Variants in AJAP1 observed in about 807,000 individuals in gnomAD.
The protein encoded by AJAP1 is adherens junction-associated protein 1.
AJAP1 carries 5 observed loss-of-function variants against 35.0 expected under a neutral mutation model. That is an observed-to-expected ratio of 0.14 (90% confidence interval 0.07 to 0.30). AJAP1 has a LOEUF of 0.30. AJAP1 is among the 10% of genes least tolerant of loss of function. AJAP1 has a pLI of 1.00. For missense variants in AJAP1, 586 were observed against 571.0 expected (o/e 1.03, Z -0.27); for synonymous variants, 284 against 249.3 (o/e 1.14, Z -1.31).
At chr1:4,755,837 A>T (rs560701456) in intron 2 of AJAP1, among the ~76,000 whole-genome samples, 6 of 152,048 alleles carry the variant, frequency 3.9e-5, no homozygotes, top group Admixed American at 2.6e-4. Context: ...ATTAAAAACG[A>T]CTAGGAGGAA....
At chr1:4,775,331 T>G (rs1473357006) in intron 5 of AJAP1, among the ~76,000 whole-genome samples, 1 of 152,196 alleles carries the variant, frequency 6.6e-6, no homozygotes, top group Non-Finnish European at 1.5e-5. Flanking sequence ...GAGGTTTTCG[T>G]GTTGTTTTCA....
At chr1:4,704,744 G>A (rs1278459965) in intron 1 of AJAP1, among the ~76,000 whole-genome samples, 3 of 152,126 alleles carry the variant, frequency 2.0e-5, no homozygotes, top group African/African-American at 4.8e-5. Flanking sequence ...TGACTTCCAC[G>A]ATGGTTAAAC....
At chr1:4,687,051 A>G (rs1305904965) in intron 1 of AJAP1, among the ~76,000 whole-genome samples, 1 of 152,210 alleles carries the variant, frequency 6.6e-6, no homozygotes, top group Non-Finnish European at 1.5e-5. Context: ...TGTCCTCACC[A>G]CGGATGGGGA....
At chr1:4,778,571 ATCTCTCTCTC>A (rs141390632) in intron 5 of AJAP1, among the ~76,000 whole-genome samples, 3,381 of 142,728 alleles carry the variant, frequency 0.024, 84 homozygotes, top group African/African-American at 0.061. Context: ...GATTGGCGCC[ATCTCTCTCTC>A]TCTCTCTCTC....
chr1:4,690,622 C>T (rs1373881858), intron 1 of AJAP1, among the ~76,000 whole-genome samples: 1 of 152,206 alleles, frequency 6.6e-6, no homozygotes, highest in African/African-American at 2.4e-5. Flanking sequence ...GTCCTGGATC[C>T]AGACAGACCT....
At chr1:4,700,490 A>G (rs1038624921) in intron 1 of AJAP1, among the ~76,000 whole-genome samples, 2 of 152,140 alleles carry the variant, frequency 1.3e-5, no homozygotes, top group Non-Finnish European at 2.9e-5. Context: ...GCTTTGCACA[A>G]TAGACCTTGC....
chr1:4,771,972 G>T (rs1429322141), intron 3 of AJAP1, among the ~76,000 whole-genome samples: 1 of 152,092 alleles, frequency 6.6e-6, no homozygotes, highest in East Asian at 1.9e-4. Flanking sequence ...TCAGCACCAT[G>T]GTCTGACTGA....
intron 2 of AJAP1, among the ~76,000 whole-genome samples, chr1:4,751,530 A>G (rs1432514051): frequency 6.6e-6 from 1 of 152,216 alleles, no homozygotes; most frequent in Non-Finnish European, 1.5e-5. Flanking sequence ...AGTATTTATG[A>G]TGTGGCTGCT....
At chr1:4,659,995 C>A (rs1638966563) in intron 1 of AJAP1, among the ~76,000 whole-genome samples, 1 of 152,226 alleles carries the variant, frequency 6.6e-6, no homozygotes, top group Non-Finnish European at 1.5e-5. Context: ...GGTATAAATA[C>A]AACTGCAAAG....
At chr1:4,724,465 G>T (rs1484081344) in intron 2 of AJAP1, among the ~76,000 whole-genome samples, 4 of 152,144 alleles carry the variant, frequency 2.6e-5, no homozygotes, top group African/African-American at 9.7e-5. Flanking sequence ...CCCCTGGGTG[G>T]TTTGTCTCCA....
chr1:4,697,551 G>A (rs1639892671), intron 1 of AJAP1, among the ~76,000 whole-genome samples: 1 of 152,218 alleles, frequency 6.6e-6, no homozygotes, highest in Non-Finnish European at 1.5e-5. Context: ...GACCATGGCT[G>A]GACTTGCTCC....
chr1:4,691,604 G>A (rs987244670), intron 1 of AJAP1, among the ~76,000 whole-genome samples: 2 of 152,168 alleles, frequency 1.3e-5, no homozygotes, highest in African/African-American at 4.8e-5. Flanking sequence ...AGCTAACTCC[G>A]GGCTCGGGGA....
intron 1 of AJAP1, among the ~76,000 whole-genome samples, chr1:4,696,680 T>C (rs188218025): frequency 5.9e-4 from 90 of 152,364 alleles, no homozygotes; most frequent in Non-Finnish European, 1.2e-3. Context: ...TTGTTGTGTG[T>C]GCATGTGCAT....
At chr1:4,742,750 A>G (rs1028911191) in intron 2 of AJAP1, among the ~76,000 whole-genome samples, 7 of 152,196 alleles carry the variant, frequency 4.6e-5, no homozygotes, top group African/African-American at 1.7e-4. Flanking sequence ...TTCATGAAAC[A>G]CAACCGTTCC....
chr1:4,770,840 C>T (rs9426483), intron 3 of AJAP1, among the ~76,000 whole-genome samples: 35,102 of 152,022 alleles, frequency 0.23, 4,510 homozygotes, highest in Middle Eastern at 0.36. Flanking sequence ...CACAGCCCCA[C>T]AACAGACCTC....
chr1:4,712,675 C>T lies in AJAP1; in HGVS notation c.805C>T (p.Pro269Ser). 6.6e-7 allele frequency: 1 copy of T among 1,515,792 alleles called. No individual in the cohort carries two copies. Among genetic ancestry groups the T allele is most frequent in the Non-Finnish European group, 8.9e-7 (1 of 1,128,400 alleles). 93.9% of individuals were successfully genotyped at this position (1,515,792 alleles called of 1,614,324 possible). The change falls in exon 2 of 6, where the codon CCA (proline) becomes TCA (serine). Residue 269 changes from proline (P) to serine (S), a missense_variant. Transcript: ENST00000378191. ...CAACAACGGGGAAGTCACCCAGCCC[C>T]CAAGGATTCTGGGGGAGGCCTCAGG... The part of the protein sequence containing the change: ...PSNNGEVTQP[P>S]RILGEASGLA...
intron 2 of AJAP1, among the ~76,000 whole-genome samples, chr1:4,748,213 C>T (rs922944600): frequency 1.3e-5 from 2 of 152,188 alleles, no homozygotes; most frequent in East Asian, 1.9e-4. Context: ...CATTGACCCT[C>T]ACCCTGGAAG....
At chr1:4,733,888 A>G (rs1430981529) in intron 2 of AJAP1, among the ~76,000 whole-genome samples, 1 of 151,506 alleles carries the variant, frequency 6.6e-6, no homozygotes, top group Non-Finnish European at 1.5e-5. Flanking sequence ...TCTTGTTCTG[A>G]TTTCTGTGCT....
intron 2 of AJAP1, among the ~76,000 whole-genome samples, chr1:4,766,251 G>A (rs1048859158): frequency 3.3e-5 from 5 of 152,264 alleles, no homozygotes; most frequent in Admixed American, 3.3e-4. Context: ...GAGTAGTTGT[G>A]ACTGAGGCCA....
Sources: gnomAD v4.1 joint callset for allele counts (sites outside exome capture counted in the v4.1 genomes callset) on GRCh38, gnomAD v4.1.1 for gene constraint, MANE v1.5 for transcripts, NCBI Gene and HGNC (gene_info 2026-07-23, HGNC 2026-07-21) for gene names.